Variants in GOT2 observed in about 807,000 individuals in gnomAD.
GOT2 encodes the protein glutamic-oxaloacetic transaminase 2.
GOT2 carries 17 observed loss-of-function variants against 50.0 expected under a neutral mutation model. That is an observed-to-expected ratio of 0.34 (90% CI 0.23 to 0.51). The LOEUF (loss-of-function observed/expected upper bound fraction) is 0.51. Among genes scored for constraint, GOT2 ranks in the 20% least tolerant of loss-of-function variants. The probability of loss-of-function intolerance (pLI) is 0.97; values close to 1 mark genes in which losing one functional copy is unlikely to be tolerated. For missense variants in GOT2, 430 were observed against 559.6 expected (o/e 0.77, Z 2.34); for synonymous variants, 172 against 204.9 (o/e 0.84, Z 1.37).
chr16:58,714,861 T>C (rs2044679363), intron 8 of GOT2, among the ~76,000 whole-genome samples: 1 of 152,002 alleles, frequency 6.6e-6, no homozygotes, highest in Non-Finnish European at 1.5e-5. Context: ...TAAAATTTTA[T>C]AGATGGGGTT....
chr16:58,715,411 A>C (rs771730559), intron 8 of GOT2, among the ~76,000 whole-genome samples: 1 of 152,146 alleles, frequency 6.6e-6, no homozygotes, highest in Non-Finnish European at 1.5e-5. Context: ...ACTTGGTTCA[A>C]AGTGCTAACA....
chr16:58,715,398 T>C (rs990354928), intron 8 of GOT2, among the ~76,000 whole-genome samples: 2 of 152,152 alleles, frequency 1.3e-5, no homozygotes, highest in Non-Finnish European at 2.9e-5. Context: ...GAAATATCAA[T>C]TAACTTGGTT....
At chr16:58,710,163 G>A (rs1468040513) in intron 8 of GOT2, among the ~76,000 whole-genome samples, 1 of 152,120 alleles carries the variant, frequency 6.6e-6, no homozygotes, top group East Asian at 1.9e-4. Context: ...CTCCCAGAGT[G>A]CCGGGATTAC....
intron 3 of GOT2, among the ~76,000 whole-genome samples, chr16:58,720,852 C>G (rs1017770601): frequency 2.6e-5 from 4 of 152,130 alleles, no homozygotes; most frequent in Non-Finnish European, 5.9e-5. Flanking sequence ...CCGGAAAGTG[C>G]TGGGATTACA....
At chr16:58,710,672 G>C (rs2044639330) in intron 8 of GOT2, among the ~76,000 whole-genome samples, 1 of 151,240 alleles carries the variant, frequency 6.6e-6, no homozygotes, top group East Asian at 1.9e-4. Flanking sequence ...ACGAGGTCAG[G>C]AGATCGAGAC....
Position 58,716,174 on chromosome 16 carries a change from G to A in GOT2, c.859C>T (p.Arg287Cys). ...CAGACCATAGTGAAGGCTCCTACAC[G>A]CTCACCTGAAAGACAAAAATGGATC... ...YAKNMGLYGE[R>C]VGAFTMVCKD... Residue 287 changes from arginine to cysteine, a missense_variant, in exon 8 of 10, where the codon CGT becomes TGT. Physicochemically the swap from Arg to Cys is radical, Grantham distance 180. Coordinates refer to ENST00000245206, the MANE Select transcript of GOT2 (RefSeq NM_002080.4). 6.2e-7 allele frequency: 1 copy of A among 1,612,412 alleles called. No homozygotes were observed. Among genetic ancestry groups the A allele is most frequent in the Non-Finnish European group, 8.5e-7 (1 of 1,179,448 alleles).
intron 9 of GOT2, among the ~76,000 whole-genome samples, chr16:58,708,719 T>C (rs1248566843): frequency 6.6e-6 from 1 of 152,054 alleles, no homozygotes; most frequent in Non-Finnish European, 1.5e-5. Context: ...AGAGCCAGGA[T>C]TCAATTATGA....
At chr16:58,729,723 C>CT (rs34039790) in intron 1 of GOT2, among the ~76,000 whole-genome samples, 61,900 of 150,314 alleles carry the variant, frequency 0.41, 14,387 homozygotes, top group Middle Eastern at 0.71. Context: ...TTTAAGAATT[C>CT]TTTTTTTTTG....
intron 1 of GOT2, among the ~76,000 whole-genome samples, chr16:58,733,415 C>T (rs1041100862): frequency 1.3e-5 from 2 of 152,074 alleles, no homozygotes; most frequent in Non-Finnish European, 1.5e-5. Context: ...TGAAAGAGCA[C>T]AGGGAGATGG....
rs776938076 is a variant in GOT2, at chr16:58,709,463, G to A, written c.1124C>T (p.Thr375Ile). 2 of 1,613,966 alleles carry A rather than the reference G, an allele frequency of 1.2e-6. No individual in the cohort carries two copies. Residue 375 changes from threonine to isoleucine, a missense_variant, in exon 9 of 10, where the codon ACC (threonine) becomes ATC (isoleucine). Physicochemically the swap from Thr to Ile is moderately conservative, Grantham distance 89 (BLOSUM62 -1). Coordinates refer to ENST00000245206, the MANE Select transcript of GOT2 (RefSeq NM_002080.4). ...GAAACAGAACATGCCAATTTGGTCG[G>A]TGATGTGTTGCCAATTGTGGGTGGA... ...EGSTHNWQHI[T>I]DQIGMFCFTG...
chr16:58,710,193 T>C (rs543258430), intron 8 of GOT2, among the ~76,000 whole-genome samples: 3 of 152,088 alleles, frequency 2.0e-5, no homozygotes, highest in East Asian at 1.9e-4. Flanking sequence ...CCACCACGCC[T>C]GGCCCATTTT....
intron 2 of GOT2, among the ~76,000 whole-genome samples, chr16:58,723,150 C>A (rs1370548596): frequency 6.6e-6 from 1 of 152,146 alleles, no homozygotes; most frequent in African/African-American, 2.4e-5. Context: ...AGGGAATGTA[C>A]AATAGTGCTT....
chr16:58,716,571 C>T, intron 7 of GOT2, 92 bp downstream of exon 7: 1 of 1,025,618 alleles, frequency 9.8e-7, no homozygotes, highest in Non-Finnish European at 1.4e-6. Flanking sequence ...CACACACACA[C>T]ACACACACAC....
intron 8 of GOT2, among the ~76,000 whole-genome samples, chr16:58,715,648 G>T (rs1445196764): frequency 1.3e-5 from 2 of 152,156 alleles, no homozygotes; most frequent in Non-Finnish European, 2.9e-5. Flanking sequence ...CGCCTCCCAG[G>T]TTCAAGTAAT....
intron 3 of GOT2, 155 bp downstream of exon 3, chr16:58,721,995 G>C: frequency 9.4e-6 from 6 of 637,370 alleles, no homozygotes; most frequent in Non-Finnish European, 1.6e-5. Context: ...AATCAGGCTG[G>C]TCTCGAACTC....
chr16:58,716,567 CA>C (rs2044694942), intron 7 of GOT2, 95 bp downstream of exon 7: 1 of 812,868 alleles, frequency 1.2e-6, no homozygotes, highest in African/African-American at 2.2e-5. Context: ...TGGACACACA[CA>C]CACACACACA....
chr16:58,710,951 G>C (rs188878352), intron 8 of GOT2, among the ~76,000 whole-genome samples: 19 of 114,086 alleles, frequency 1.7e-4, no homozygotes, highest in Non-Finnish European at 1.6e-4. Flanking sequence ...CTGGGTGAGA[G>C]AGCAAGACTC....
chr16:58,708,388 TC>T, intron 9 of GOT2, 95 bp from the exon 10 acceptor site: 2 of 1,228,890 alleles, frequency 1.6e-6, no homozygotes, highest in East Asian at 2.4e-5. Flanking sequence ...ACGCTCTATT[TC>T]CTCGCTTAAA....
At chr16:58,733,201 T>A (rs1252432659) in intron 1 of GOT2, among the ~76,000 whole-genome samples, 2 of 152,314 alleles carry the variant, frequency 1.3e-5, no homozygotes, top group East Asian at 3.9e-4. Flanking sequence ...CGGTCTCCAC[T>A]GGGAATGAAT....
Sources: gnomAD v4.1 joint callset for allele counts (sites outside exome capture counted in the v4.1 genomes callset) on GRCh38, gnomAD v4.1.1 for gene constraint, MANE v1.5 for transcripts, NCBI Gene and HGNC (gene_info 2026-07-23, HGNC 2026-07-21) for gene names.